Variants in FAM78B observed in about 807,000 individuals in gnomAD.
The protein encoded by FAM78B is protein FAM78B.
In FAM78B, 10 loss-of-function variants were observed where a neutral mutation model predicts 20.0. The observed-to-expected ratio is 0.50, with a 90% CI of 0.31 to 0.85. The LOEUF (loss-of-function observed/expected upper bound fraction) is 0.85. Ranked by LOEUF, FAM78B falls within the 40% of genes least tolerant of loss-of-function variation. The probability of loss-of-function intolerance (pLI) is 0.05; values close to 1 mark genes in which losing one functional copy is unlikely to be tolerated. For synonymous variants in FAM78B, 135 were observed against 132.8 expected, an observed-to-expected ratio of 1.02 and a Z score of -0.12; for missense variants, 283 against 345.0, an observed-to-expected ratio of 0.82 and a Z score of 1.42.
chr1:166,104,234 C>T (rs2101749988), intron 1 of FAM78B, among the ~76,000 whole-genome samples: 1 of 152,240 alleles, frequency 6.6e-6, no homozygotes, highest in Admixed American at 6.5e-5. Context: ...ATGACAAACC[C>T]ACAGCCAATA....
intron 1 of FAM78B, among the ~76,000 whole-genome samples, chr1:166,115,299 G>A (rs778262985): frequency 2.6e-5 from 4 of 152,214 alleles, no homozygotes; most frequent in African/African-American, 4.8e-5. Flanking sequence ...CTTTGAGAAT[G>A]TTGTCACATT....
At chr1:166,158,942 G>A (rs1656028476) in intron 1 of FAM78B, among the ~76,000 whole-genome samples, 1 of 152,230 alleles carries the variant, frequency 6.6e-6, no homozygotes, top group Non-Finnish European at 1.5e-5. Context: ...ACTTATAAAT[G>A]ACAGCCACTT....
intron 1 of FAM78B, among the ~76,000 whole-genome samples, chr1:166,084,417 A>T (rs920670994): frequency 2.6e-5 from 4 of 152,202 alleles, no homozygotes; most frequent in Non-Finnish European, 5.9e-5. Flanking sequence ...CATCTATAAA[A>T]CAGAGAGTAG....
At chr1:166,106,574 G>T (rs1410076240) in intron 1 of FAM78B, among the ~76,000 whole-genome samples, 1 of 152,124 alleles carries the variant, frequency 6.6e-6, no homozygotes, top group Non-Finnish European at 1.5e-5. Context: ...GCATTTAAGT[G>T]AATTTAAGAG....
chr1:166,097,097 C>T (rs1283141222), intron 1 of FAM78B, among the ~76,000 whole-genome samples: 1 of 152,182 alleles, frequency 6.6e-6, no homozygotes, highest in Non-Finnish European at 1.5e-5. Context: ...AACACACACC[C>T]CTGCCGGAGA....
chr1:166,146,326 T>G (rs946108057), intron 1 of FAM78B, among the ~76,000 whole-genome samples: 4 of 152,238 alleles, frequency 2.6e-5, no homozygotes, highest in African/African-American at 9.6e-5. Flanking sequence ...GGATACTTTC[T>G]GAGACATTTC....
chr1:166,109,830 ATGTATATATG>A (rs1480497192), intron 1 of FAM78B, among the ~76,000 whole-genome samples: 413 of 20,252 alleles, frequency 0.02, 36 homozygotes, highest in African/African-American at 0.044. Flanking sequence ...ATATATATAT[ATGTATATATG>A]TATATATATA....
chr1:166,086,945 T>C (rs1652854833), intron 1 of FAM78B: 1 of 151,904 alleles, frequency 6.6e-6, no homozygotes, highest in Non-Finnish European at 1.5e-5. Flanking sequence ...ACATGCAGTG[T>C]GGCCACATGC....
intron 1 of FAM78B, among the ~76,000 whole-genome samples, chr1:166,104,540 A>G (rs946804805): frequency 5.9e-5 from 9 of 151,950 alleles, no homozygotes; most frequent in African/African-American, 9.7e-5. Flanking sequence ...AAAAATCACA[A>G]GCATTCTTAT....
intron 1 of FAM78B, among the ~76,000 whole-genome samples, chr1:166,158,840 G>A (rs749745368): frequency 2.0e-5 from 3 of 152,204 alleles, no homozygotes; most frequent in Admixed American, 6.5e-5. Flanking sequence ...TCAGCACCAC[G>A]AGGACTCTGC....
intron 1 of FAM78B, among the ~76,000 whole-genome samples, chr1:166,106,520 T>C (rs1653793763): frequency 6.6e-6 from 1 of 152,124 alleles, no homozygotes; most frequent in Non-Finnish European, 1.5e-5. Flanking sequence ...ATCATGTCCA[T>C]TGCAGCAACA....
chr1:166,099,387 A>G (rs887253844), intron 1 of FAM78B, among the ~76,000 whole-genome samples: 1 of 152,236 alleles, frequency 6.6e-6, no homozygotes, highest in Admixed American at 6.5e-5. Context: ...CAGGCAACAA[A>G]GAGCATGATG....
At chr1:166,134,762 T>C (rs2101782825) in intron 1 of FAM78B, among the ~76,000 whole-genome samples, 1 of 152,268 alleles carries the variant, frequency 6.6e-6, no homozygotes, top group Non-Finnish European at 1.5e-5. Flanking sequence ...GATTAGAAAA[T>C]GCTCTCTAAT....
intron 1 of FAM78B, among the ~76,000 whole-genome samples, chr1:166,150,732 G>A (rs1347115215): frequency 1.3e-5 from 2 of 152,126 alleles, no homozygotes; most frequent in African/African-American, 2.4e-5. Flanking sequence ...TAGAACATTT[G>A]TACAATACAA....
At chr1:166,131,076 C>T (rs1375778063) in intron 1 of FAM78B, among the ~76,000 whole-genome samples, 1 of 151,002 alleles carries the variant, frequency 6.6e-6, no homozygotes, top group African/African-American at 2.4e-5. Flanking sequence ...ACTGCAACCT[C>T]CACTTCCCAG....
At chr1:166,109,890 G>GTATGTGTATA (rs1433152486) in intron 1 of FAM78B, among the ~76,000 whole-genome samples, 1 of 23,192 alleles carries the variant, frequency 4.3e-5, no homozygotes, top group African/African-American at 9.2e-5. Flanking sequence ...ATGTATATAT[G>GTATGTGTATA]TATATATATA....
intron 1 of FAM78B, among the ~76,000 whole-genome samples, chr1:166,134,078 G>A (rs1381432173): frequency 1.3e-5 from 2 of 152,092 alleles, no homozygotes; most frequent in Non-Finnish European, 2.9e-5. Flanking sequence ...GAAAGTTTGG[G>A]GGGTTTCCCC....
At chr1:166,090,300 T>G (rs899092909) in intron 1 of FAM78B, among the ~76,000 whole-genome samples, 1 of 151,724 alleles carries the variant, frequency 6.6e-6, no homozygotes, top group African/African-American at 2.4e-5. Context: ...CATACAACAT[T>G]TTCTAAGCCT....
At chr1:166,090,247 T>C (rs962000764) in intron 1 of FAM78B, among the ~76,000 whole-genome samples, 21 of 152,110 alleles carry the variant, frequency 1.4e-4, no homozygotes, top group African/African-American at 5.1e-4. Context: ...CAATCCCCCA[T>C]GCAACACTTT....
Sources: allele counts gnomAD v4.1 joint callset (sites outside exome capture counted in the v4.1 genomes callset), GRCh38; gene constraint gnomAD v4.1.1; transcripts MANE v1.5; gene names NCBI Gene and HGNC (gene_info 2026-07-23, HGNC 2026-07-21).